The following MLIP variants were observed in gnomAD, a reference collection of about 807,000 sequenced individuals.
MLIP encodes the protein muscular LMNA-interacting protein.
In MLIP, 79 loss-of-function variants were observed where a neutral mutation model predicts 84.8. The ratio of observed to expected loss-of-function variants is 0.93; its 90% CI spans 0.78 to 1.12. The LOEUF (loss-of-function observed/expected upper bound fraction) is 1.12, where lower values mean the gene tolerates loss of function less well. Among genes scored for constraint, MLIP ranks in the 50% most tolerant of loss-of-function variants. The pLI is 0.00. For synonymous variants in MLIP, 504 were observed against 463.0 expected (o/e 1.09, Z -1.14); for missense variants, 1,257 against 1,160.6 (o/e 1.08, Z -1.21).
intron 8 of MLIP, among the ~76,000 whole-genome samples, chr6:54,162,574 T>C (rs1423212468): frequency 2.0e-5 from 3 of 151,838 alleles, no homozygotes; most frequent in Non-Finnish European, 4.4e-5. Context: ...GTGATGGTGG[T>C]CTGGATAGGG....
At chr6:54,101,592 AGCAGAATTAATAAGTAGAT>A (rs1768654293) in intron 1 of MLIP, among the ~76,000 whole-genome samples, 1 of 152,152 alleles carries the variant, frequency 6.6e-6, no homozygotes, top group Non-Finnish European at 1.5e-5. Flanking sequence ...TGTTTCCATT[AGCAGAATTAATAAGTAGAT>A]GCTATAAAAC....
At chr6:54,229,708 T>C (rs1282058395) in intron 11 of MLIP, among the ~76,000 whole-genome samples, 4 of 152,236 alleles carry the variant, frequency 2.6e-5, no homozygotes, top group Non-Finnish European at 4.4e-5. Context: ...TCTTGTTCCT[T>C]TTTATGGCCA....
intron 9 of MLIP, among the ~76,000 whole-genome samples, chr6:54,182,848 G>A (rs890834799): frequency 2.0e-5 from 3 of 152,134 alleles, no homozygotes; most frequent in Non-Finnish European, 4.4e-5. Flanking sequence ...AAAACTCTTA[G>A]TTGGAATCAC....
At chr6:54,019,880 C>A (rs745327258) in intron 1 of MLIP, among the ~76,000 whole-genome samples, 7 of 152,028 alleles carry the variant, frequency 4.6e-5, no homozygotes, top group African/African-American at 7.2e-5. Context: ...GATATTAAAA[C>A]TAGAAAAATG....
intron 5 of MLIP, among the ~76,000 whole-genome samples, chr6:54,156,708 T>G (rs1232697614): frequency 1.3e-5 from 2 of 152,108 alleles, no homozygotes; most frequent in Non-Finnish European, 2.9e-5. Flanking sequence ...TAATTTAACT[T>G]AACTTCATTT....
chr6:54,243,630 G>C (rs764110848), intron 12 of MLIP, among the ~76,000 whole-genome samples: 1 of 152,118 alleles, frequency 6.6e-6, no homozygotes, highest in Non-Finnish European at 1.5e-5. Flanking sequence ...GGCTCAGAAA[G>C]TATATATAAT....
At chr6:54,123,803 G>A (rs1770672232) in intron 2 of MLIP, among the ~76,000 whole-genome samples, 1 of 152,156 alleles carries the variant, frequency 6.6e-6, no homozygotes. Flanking sequence ...AAGAAGTTTG[G>A]TAGCTTGATA....
At chr6:54,125,127 A>G (rs1156971210) in intron 3 of MLIP, among the ~76,000 whole-genome samples, 1 of 152,218 alleles carries the variant, frequency 6.6e-6, no homozygotes, top group Non-Finnish European at 1.5e-5. Flanking sequence ...TAAATTTGGG[A>G]GAATACTACC....
intron 1 of MLIP, chr6:54,046,640 T>C (rs555515120): frequency 6.6e-6 from 1 of 152,206 alleles, no homozygotes; most frequent in African/African-American, 2.4e-5. Context: ...TTCACTATTA[T>C]AAATTGTCAG....
intron 2 of MLIP, among the ~76,000 whole-genome samples, chr6:54,123,037 T>C (rs1251330124): frequency 1.3e-5 from 2 of 152,010 alleles, no homozygotes; most frequent in Non-Finnish European, 2.9e-5. Context: ...GTTCACTCCA[T>C]TCTCCTGCCT....
intron 1 of MLIP, among the ~76,000 whole-genome samples, chr6:54,052,323 A>C (rs961535636): frequency 6.6e-6 from 1 of 152,168 alleles, no homozygotes; most frequent in South Asian, 2.1e-4. Context: ...TTAAACTCCT[A>C]TGAAAATCAT....
chr6:54,019,674 C>T (rs866144235), intron 1 of MLIP, among the ~76,000 whole-genome samples: 2 of 152,250 alleles, frequency 1.3e-5, no homozygotes, highest in South Asian at 2.1e-4. Context: ...CTGTCCATGG[C>T]TCATCTGATG....
At chr6:54,071,941 T>A (rs1281917933) in intron 1 of MLIP, among the ~76,000 whole-genome samples, 1 of 152,212 alleles carries the variant, frequency 6.6e-6, no homozygotes, top group Non-Finnish European at 1.5e-5. Flanking sequence ...ATTACAGAAT[T>A]ACAGTTCCCC....
rs1474618058 is a variant in MLIP at position 54,230,721 on chromosome 6, C to T, written c.2726C>T (p.Thr909Ile). 1 of 1,613,946 alleles carries T rather than the reference C, an allele frequency of 6.2e-7. No individual in the cohort carries two copies. Among genetic ancestry groups the T allele is most frequent in the East Asian group, 2.2e-5 (1 of 44,872 alleles). ...NSDLFSEQDV[T>I]VPPKPVSLHP... The stretch of plus-strand genomic sequence containing the variant: ...TTTCTTCTTCCCCACCAGGATGTAA[C>T]AGTCCCTCCCAAGCCTGTCTCGCTC... Residue 909 changes from threonine (T) to isoleucine (I), a missense_variant, in exon 12 of 14, where the codon ACA (threonine) becomes ATA (isoleucine). By Grantham distance (89) the Thr-to-Ile change is moderately conservative. Transcript: ENST00000502396.
chr6:54,102,112 GC>G (rs1768696864), intron 1 of MLIP, among the ~76,000 whole-genome samples: 1 of 152,160 alleles, frequency 6.6e-6, no homozygotes, highest in African/African-American at 2.4e-5. Flanking sequence ...CAAATGAGGT[GC>G]AACATGAACC....
chr6:54,210,840 C>A (rs187925819), intron 11 of MLIP, among the ~76,000 whole-genome samples: 249 of 151,810 alleles, frequency 1.6e-3, no homozygotes, highest in African/African-American at 5.3e-3. Context: ...GCCTTAAGAT[C>A]TTTAATTTTT....
intron 10 of MLIP, among the ~76,000 whole-genome samples, chr6:54,194,512 T>C (rs1020054473): frequency 1.3e-5 from 2 of 152,162 alleles, no homozygotes; most frequent in African/African-American, 4.8e-5. Flanking sequence ...TGAGGTCTTA[T>C]GTGCCTTTAT....
At chr6:54,036,253 T>C (rs902895850) in intron 1 of MLIP, among the ~76,000 whole-genome samples, 9 of 151,796 alleles carry the variant, frequency 5.9e-5, no homozygotes, top group Non-Finnish European at 7.4e-5. Flanking sequence ...TTTTTTTTTT[T>C]TTTTTAAATC....
At chr6:54,222,030 T>G (rs551676999) in intron 11 of MLIP, among the ~76,000 whole-genome samples, 4 of 152,136 alleles carry the variant, frequency 2.6e-5, no homozygotes, top group Middle Eastern at 6.8e-3. Flanking sequence ...AGAATAAAAT[T>G]TCTGTGTTTT....
Sources: gnomAD v4.1 joint callset for allele counts (sites outside exome capture counted in the v4.1 genomes callset) on GRCh38, gnomAD v4.1.1 for gene constraint, MANE v1.5 for transcripts, NCBI Gene and HGNC (gene_info 2026-07-23, HGNC 2026-07-21) for gene names.